Variants in ATP8B4 observed in about 807,000 individuals in gnomAD.
The protein encoded by ATP8B4 is ATPase phospholipid transporting 8B4 (putative).
A neutral mutation model predicts 145.6 loss-of-function variants in ATP8B4; 133 were observed. That is an observed-to-expected ratio of 0.91 (90% CI 0.79 to 1.05). The LOEUF (loss-of-function observed/expected upper bound fraction) is 1.05. Ranked by LOEUF, ATP8B4 falls within the 50% of genes least tolerant of loss-of-function variation. The pLI is 0.00. For synonymous variants in ATP8B4, 507 were observed against 492.9 expected, an observed-to-expected ratio of 1.03 and a Z score of -0.38; for missense variants, 1,458 against 1,425.2, an observed-to-expected ratio of 1.02 and a Z score of -0.37.
intron 1 of ATP8B4, among the ~76,000 whole-genome samples, chr15:50,113,893 C>T (rs189493604): frequency 3.6e-5 from 5 of 140,118 alleles, no homozygotes; most frequent in Non-Finnish European, 6.1e-5. Context: ...CTTGCAACTA[C>T]AGGTATATGC....
At chr15:50,090,650 T>TA (rs2055550765) in intron 2 of ATP8B4, among the ~76,000 whole-genome samples, 1 of 152,222 alleles carries the variant, frequency 6.6e-6, no homozygotes, top group Admixed American at 6.5e-5. Flanking sequence ...GTTTCGTTTT[T>TA]AAAAAAGTGA....
At chr15:50,031,189 A>G (rs2050407683) in intron 6 of ATP8B4, among the ~76,000 whole-genome samples, 1 of 152,194 alleles carries the variant, frequency 6.6e-6, no homozygotes, top group Non-Finnish European at 1.5e-5. Flanking sequence ...TGTTATGCCT[A>G]TGGCTGTTAC....
intron 14 of ATP8B4, among the ~76,000 whole-genome samples, chr15:49,935,472 C>T (rs760005964): frequency 6.6e-6 from 1 of 152,226 alleles, no homozygotes; most frequent in Admixed American, 6.5e-5. Context: ...AATATAATAA[C>T]GGCTGCCATA....
intron 16 of ATP8B4, 88 bp from the exon 17 acceptor site, chr15:49,923,582 G>T: frequency 1.2e-6 from 1 of 848,344 alleles, no homozygotes; most frequent in East Asian, 2.6e-5. Flanking sequence ...CTGGCAATTT[G>T]GAAATGGGCA....
At chr15:49,885,048 G>A (rs1300345718) in intron 23 of ATP8B4, among the ~76,000 whole-genome samples, 1 of 152,156 alleles carries the variant, frequency 6.6e-6, no homozygotes, top group African/African-American at 2.4e-5. Context: ...ACCCTCTAAT[G>A]GTTTTCCATT....
chr15:49,872,046 C>T (rs537969307), intron 25 of ATP8B4, among the ~76,000 whole-genome samples: 10 of 152,310 alleles, frequency 6.6e-5, no homozygotes, highest in Middle Eastern at 3.4e-3. Context: ...TTAAAGTACA[C>T]GACTTTCTGT....
At chr15:49,860,519 T>C (rs765883888) in intron 27 of ATP8B4, 44 bp from the exon 28 acceptor site, 1 of 1,550,156 alleles carries the variant, frequency 6.5e-7, no homozygotes, top group South Asian at 1.2e-5. Context: ...ATCCAAATGA[T>C]AGACTCCAGG....
At chr15:49,992,574 C>T (rs1404011397) in intron 9 of ATP8B4, among the ~76,000 whole-genome samples, 4 of 152,080 alleles carry the variant, frequency 2.6e-5, no homozygotes, top group Non-Finnish European at 4.4e-5. Context: ...CAGTTCTGAC[C>T]CTATGTGTCC....
chr15:50,092,970 G>A (rs1401305762), intron 2 of ATP8B4, among the ~76,000 whole-genome samples: 3 of 152,018 alleles, frequency 2.0e-5, no homozygotes, highest in East Asian at 1.9e-4. Context: ...AAAAAGATAT[G>A]TCATCTTCAA....
rs772799219 is a variant in ATP8B4, at chr15:49,987,549, C to T, written c.590G>A (p.Gly197Glu). The T allele has an allele frequency of 1.2e-6, 2 of 1,610,412 alleles. No homozygotes were observed. Among genetic ancestry groups the T allele is most frequent in the Non-Finnish European group, 8.5e-7 (1 of 1,178,700 alleles). Reference protein sequence around the residue: ...ADISRLAGFDGIVVCEVPNNK... With the variant: ...ADISRLAGFDEIVVCEVPNNK... Reference sequence around the variant, plus strand: ...GTTAGGCACCTCACAGACAACAATCCCTGGAAAATAAAAAAACAAAACAAA... The same window carrying T: ...GTTAGGCACCTCACAGACAACAATCTCTGGAAAATAAAAAAACAAAACAAA... The change falls in exon 10 of 28, where the codon GGG becomes GAG. Residue 197 changes from glycine to glutamate, a missense_variant and splice_region_variant. Gly to Glu is a moderately conservative substitution (Grantham distance 98). Transcript: ENST00000284509.
At chr15:50,150,226 A>G (rs1345797299) in intron 1 of ATP8B4, among the ~76,000 whole-genome samples, 1 of 152,144 alleles carries the variant, frequency 6.6e-6, no homozygotes, top group Non-Finnish European at 1.5e-5. Context: ...GTCCACATAA[A>G]AGTATTTTTT....
At chr15:49,978,361 T>C (rs2045854528) in intron 12 of ATP8B4, among the ~76,000 whole-genome samples, 1 of 152,132 alleles carries the variant, frequency 6.6e-6, no homozygotes, top group South Asian at 2.1e-4. Flanking sequence ...GAGCCCTCTC[T>C]GACCACAGCT....
At chr15:50,075,878 A>G (rs942483045) in intron 2 of ATP8B4, among the ~76,000 whole-genome samples, 4 of 152,210 alleles carry the variant, frequency 2.6e-5, no homozygotes, top group Admixed American at 6.5e-5. Context: ...TAACATCACC[A>G]TAACCCAGAA....
chr15:49,988,306 G>A (rs960145322), intron 9 of ATP8B4, among the ~76,000 whole-genome samples: 2 of 152,060 alleles, frequency 1.3e-5, no homozygotes, highest in African/African-American at 4.8e-5. Flanking sequence ...GATAGAAAAA[G>A]AAACCACAAA....
At chr15:50,178,259 G>A (rs1163757461) in intron 1 of ATP8B4, among the ~76,000 whole-genome samples, 2 of 152,214 alleles carry the variant, frequency 1.3e-5, no homozygotes, top group Admixed American at 6.5e-5. Context: ...AATGGGAGAA[G>A]TGGAATGAGG....
chr15:49,918,562 A>C (rs1167949536), intron 19 of ATP8B4, among the ~76,000 whole-genome samples: 2 of 152,166 alleles, frequency 1.3e-5, no homozygotes, highest in Non-Finnish European at 2.9e-5. Context: ...CATTTTAAAT[A>C]CCATTTTTGC....
chr15:50,153,996 G>A (rs1445014894), intron 1 of ATP8B4, among the ~76,000 whole-genome samples: 1 of 152,136 alleles, frequency 6.6e-6, no homozygotes, highest in African/African-American at 2.4e-5. Context: ...TTATATTAGT[G>A]TATTTTTAAT....
intron 3 of ATP8B4, among the ~76,000 whole-genome samples, chr15:50,058,042 A>G (rs7178403): frequency 0.14 from 21,598 of 152,220 alleles, 2,096 homozygotes; most frequent in African/African-American, 0.27. Flanking sequence ...TGCCTTCTCC[A>G]GAGAGATAAG....
chr15:50,169,172 T>G (rs939890260), intron 1 of ATP8B4, among the ~76,000 whole-genome samples: 2 of 152,204 alleles, frequency 1.3e-5, no homozygotes, highest in Admixed American at 6.5e-5. Flanking sequence ...GTCTCCACAC[T>G]ACTACAGCTG....
Sources: gnomAD v4.1 joint callset for allele counts (sites outside exome capture counted in the v4.1 genomes callset) on GRCh38, gnomAD v4.1.1 for gene constraint, MANE v1.5 for transcripts, NCBI Gene and HGNC (gene_info 2026-07-23, HGNC 2026-07-21) for gene names.